ANK1: variants seen among roughly 807,000 people sequenced by gnomAD.
ANK1 encodes the protein ankyrin 1.
A neutral mutation model predicts 210.4 loss-of-function variants in ANK1; 51 were observed. The observed-to-expected ratio is 0.24, with a 90% confidence interval of 0.19 to 0.31. ANK1 has a LOEUF of 0.31. Among genes scored for constraint, ANK1 ranks in the 10% least tolerant of loss-of-function variants. The pLI, the probability that ANK1 is intolerant of heterozygous loss-of-function variation, is 1.00. For missense variants in ANK1, 2,051 were observed against 2,504.4 expected, an observed-to-expected ratio of 0.82 and a Z score of 3.86; for synonymous variants, 967 against 1,025.9, an observed-to-expected ratio of 0.94 and a Z score of 1.10.
At chr8:41,670,273 C>G (rs929476422) in intron 38 of ANK1, among the ~76,000 whole-genome samples, 1 of 151,982 alleles carries the variant, frequency 6.6e-6, no homozygotes, top group Non-Finnish European at 1.5e-5. Context: ...GCCTGGCACA[C>G]AGTAGGCACT....
chr8:41,894,445 A>C, intron 1 of ANK1, among the ~76,000 whole-genome samples: 1 of 152,236 alleles, frequency 6.6e-6, no homozygotes, highest in East Asian at 1.9e-4. Flanking sequence ...GCAAAGAAGC[A>C]AAAAGAATAT....
At chr8:41,757,904 C>T (rs1839535810) in intron 2 of ANK1, 132 bp downstream of exon 2, 1 of 882,396 alleles carries the variant, frequency 1.1e-6, no homozygotes, top group Non-Finnish European at 1.9e-6. Flanking sequence ...GGGCCTTCCA[C>T]AGGCAGGAGC....
chr8:41,744,708 T>A (rs1835659819), intron 2 of ANK1, among the ~76,000 whole-genome samples: 1 of 152,156 alleles, frequency 6.6e-6, no homozygotes, highest in Non-Finnish European at 1.5e-5. Context: ...CTAATTTTTT[T>A]ATATTTTTAG....
At position 41,704,393 on chromosome 8, in the gene ANK1, T is replaced by G; in HGVS notation, c.2177A>C (p.Asp726Ala). The G allele has an allele frequency of 6.2e-7, 1 of 1,614,138 alleles. No homozygotes were observed. Among genetic ancestry groups the G allele is most frequent in the Non-Finnish European group, 8.5e-7 (1 of 1,180,002 alleles). ...LVKFLLQHQA[D>A]VNAKTKLGYS... ...CTGTACCTTGGTCTTGGCATTGACA[T>G]CTGCCTGGTGCTGCAGCAGAAACTT... Residue 726 changes from aspartate to alanine, a missense_variant, in exon 19 of 43, where the codon GAT (aspartate) becomes GCT (alanine). By Grantham distance (126) the Asp-to-Ala change is moderately radical. This residue lies in a region of ANK1 where 1,413 missense variants were observed against 1,707.4 expected (regional missense o/e 0.83). Coordinates refer to ENST00000289734, the MANE Select transcript of ANK1 (RefSeq NM_000037.4). The surrounding 1 kb of genome is among the most constrained non-coding windows in gnomAD (Gnocchi z 4.1).
intron 38 of ANK1, among the ~76,000 whole-genome samples, chr8:41,671,871 C>T (rs376302628): frequency 7.9e-5 from 11 of 138,368 alleles, no homozygotes; most frequent in East Asian, 2.2e-4. Flanking sequence ...GCCCTCCCAG[C>T]GCCCCGATGT....
At chr8:41,882,785 G>GCTTAAAT (rs760651480) in intron 1 of ANK1, among the ~76,000 whole-genome samples, 3 of 152,252 alleles carry the variant, frequency 2.0e-5, no homozygotes, top group Non-Finnish European at 4.4e-5. Context: ...AGCCAGGGCT[G>GCTTAAAT]CTTAGCCCCC....
In ANK1 at chr8:41,686,192, C is replaced by G. The variant is rs1276634399; in HGVS notation, c.4350G>C (p.Leu1450Phe). The G allele has an allele frequency of 6.2e-7, 1 of 1,614,198 alleles. No individual in the cohort carries two copies. Among genetic ancestry groups the G allele is most frequent in the Non-Finnish European group, 8.5e-7 (1 of 1,180,036 alleles). Residue 1450 changes from leucine (L) to phenylalanine (F), a missense_variant, in exon 36 of 43, where the codon TTG (leucine) becomes TTC (phenylalanine). Leu to Phe is a conservative substitution (Grantham distance 22, BLOSUM62 0). This residue lies in a region of ANK1 where 39 missense variants were observed against 75.1 expected (regional missense o/e 0.52). Coordinates refer to ENST00000289734, the MANE Select transcript of ANK1 (RefSeq NM_000037.4). Reference protein sequence around the residue: ...PNSLLEQSVALLNLWVIREGQ... With the variant: ...PNSLLEQSVAFLNLWVIREGQ... ...CTTCACGGATGACCCAGAGGTTCAG[C>G]AAGGCCACACTCTGCTCCAACAGGG...
At chr8:41,879,248 A>G (rs1009228529) in intron 1 of ANK1, among the ~76,000 whole-genome samples, 1 of 152,082 alleles carries the variant, frequency 6.6e-6, no homozygotes, top group Non-Finnish European at 1.5e-5. Flanking sequence ...CAGTCCAGAA[A>G]ATCAGGGATC....
intron 14 of ANK1, 88 bp from the exon 15 acceptor site, chr8:41,715,162 G>T: frequency 8.0e-7 from 1 of 1,247,908 alleles, no homozygotes; most frequent in Non-Finnish European, 1.2e-6. Context: ...CTGCACCTCC[G>T]CTGGCATGGA....
chr8:41,854,757 T>C (rs1004392140), intron 1 of ANK1, among the ~76,000 whole-genome samples: 4 of 152,056 alleles, frequency 2.6e-5, no homozygotes, highest in Non-Finnish European at 5.9e-5. Context: ...CTGGGCAACA[T>C]AGTGAGACCC....
chr8:41,835,022 C>G (rs1807376804), intron 1 of ANK1, among the ~76,000 whole-genome samples: 1 of 152,238 alleles, frequency 6.6e-6, no homozygotes, highest in African/African-American at 2.4e-5. Context: ...CCTCACGAGG[C>G]TTCCCTACAA....
At chr8:41,663,814 A>G (rs1206154193) in intron 39 of ANK1, 72 bp from the exon 40 acceptor site, 1 of 1,248,092 alleles carries the variant, frequency 8.0e-7, no homozygotes, top group Non-Finnish European at 1.2e-6. Flanking sequence ...GAGGACGAGG[A>G]AATGAAACAG....
chr8:41,734,125 CG>C (rs1321257511), intron 2 of ANK1, 56 bp from the exon 3 acceptor site: 70 of 1,467,414 alleles, frequency 4.8e-5, no homozygotes, highest in Non-Finnish European at 6.7e-5. Flanking sequence ...GCTTTCTGCA[CG>C]TCCCAGTGGG....
At chr8:41,745,615 G>A (rs932606483) in intron 2 of ANK1, among the ~76,000 whole-genome samples, 1 of 152,142 alleles carries the variant, frequency 6.6e-6, no homozygotes, top group African/African-American at 2.4e-5. Context: ...GTCTAAGTAG[G>A]GGACAGGTGG....
chr8:41,663,926 C>G, intron 39 of ANK1, 184 bp from the exon 40 acceptor site: 1 of 672,904 alleles, frequency 1.5e-6, no homozygotes, highest in East Asian at 2.8e-5. Context: ...GGGCGGCGCC[C>G]CTGAGGGTCT....
At chr8:41,711,415 A>G (rs762433318) in intron 16 of ANK1, among the ~76,000 whole-genome samples, 71 of 152,188 alleles carry the variant, frequency 4.7e-4, no homozygotes, top group Non-Finnish European at 8.2e-4. Flanking sequence ...TTTAGGCGCA[A>G]CTGACCGGCA....
rs1006293549 is a variant in ANK1, at chr8:41,774,158, G to A, written c.28-16021C>T. On this transcript the variant is annotated intron_variant, in intron 1 of 42. Transcript: ENST00000289734. ...GGAGACGAGGTCTCTTCTCATCTCC[G>A]CTCAACTCAGAATCCCCAAGCCTAG... 7.9e-5 allele frequency among the ~76,000 whole-genome samples: 12 copies of A among 152,180 alleles called. 1 individual carries two copies. Among genetic ancestry groups the A allele is most frequent in the Admixed American group, 2.0e-4 (3 of 15,290 alleles).
intron 1 of ANK1, among the ~76,000 whole-genome samples, chr8:41,820,982 G>A (rs1056768763): frequency 6.6e-6 from 1 of 152,168 alleles, no homozygotes; most frequent in African/African-American, 2.4e-5. Flanking sequence ...AAAGTTGTCT[G>A]GAGCAACTCT....
In ANK1 at chr8:41,688,229, A is replaced by G; in HGVS notation, c.4185T>C (p.Gly1395=). The G allele has an allele frequency of 6.2e-7, 1 of 1,614,142 alleles. No homozygotes were observed. Among genetic ancestry groups the G allele is most frequent in the Non-Finnish European group, 8.5e-7 (1 of 1,179,990 alleles). Residue 1395 remains glycine, a splice_region_variant and synonymous_variant, in exon 35 of 43, where the codon GGT becomes GGC. Coordinates refer to ENST00000289734, the MANE Select transcript of ANK1 (RefSeq NM_000037.4). ...CTGCCTGCTCTGTCCCACTGAGAGAACCTGGGGAGAAGCATTAGATTTCAT... is the reference window on the plus strand; with the variant it reads ...CTGCCTGCTCTGTCCCACTGAGAGAGCCTGGGGAGAAGCATTAGATTTCAT... The part of the protein sequence containing the change: ...RYSILSESTP[G]SLSGTEQAEM...
Sources: allele counts gnomAD v4.1 joint callset (sites outside exome capture counted in the v4.1 genomes callset), GRCh38; gene constraint gnomAD v4.1.1; regional missense constraint gnomAD v4.1.1; non-coding constraint Gnocchi (gnomAD v3.1); transcripts MANE v1.5; gene names NCBI Gene and HGNC (gene_info 2026-07-23, HGNC 2026-07-21).